Variants in GNAQ observed in about 807,000 individuals in gnomAD.
The protein encoded by GNAQ is G protein subunit alpha q, also known as guanine nucleotide-binding protein G(q) subunit alpha.
A neutral mutation model predicts 43.9 loss-of-function variants in GNAQ; 8 were observed. The observed-to-expected ratio is 0.18, with a 90% CI of 0.11 to 0.33. The LOEUF (loss-of-function observed/expected upper bound fraction) is 0.33. GNAQ is among the 10% of genes least tolerant of loss of function. GNAQ has a pLI of 1.00. For missense variants in GNAQ, 158 were observed against 450.8 expected (o/e 0.35, Z 5.88); for synonymous variants, 155 against 170.7 (o/e 0.91, Z 0.71).
At position 78,001,000 on chromosome 9, in the gene GNAQ, C is replaced by T. The variant is rs116133700; in HGVS notation, c.136+30100G>A. 5.9e-3 allele frequency among the ~76,000 whole-genome samples: 895 copies of T among 152,202 alleles called. 9 individuals carry two copies. Among genetic ancestry groups the T allele is most frequent in the African/African-American group, 0.02 (813 of 41,520 alleles). On this transcript the variant is annotated intron_variant, in intron 1 of 6. Coordinates refer to ENST00000286548, the MANE Select transcript of GNAQ (RefSeq NM_002072.5). ...TGACTAGCTGGGTATCAGAGCAGCA[C>T]GCAAATCTGACAGAAAACAGCAAAT... is the stretch of plus-strand genomic sequence containing the variant.
At position 77,948,137 on chromosome 9, in the gene GNAQ, C is replaced by T. The variant is rs565076450; in HGVS notation, c.137-25792G>A. ...TATCATACAAAGGAACAATTCAAAA[C>T]GGCATAAATGTTTTTGAATAAAATA... On this transcript the variant is annotated intron_variant, in intron 1 of 6. Coordinates refer to ENST00000286548, the MANE Select transcript of GNAQ (RefSeq NM_002072.5). 7.9e-5 allele frequency among the ~76,000 whole-genome samples: 12 copies of T among 152,158 alleles called. No homozygotes were observed. The South Asian group carries it at 1.0e-3, about 13-fold the overall frequency.
Position 78,031,619 on chromosome 9 carries a change from C to G in GNAQ, c.-384G>C, listed in dbSNP as rs1420272902. 2.7e-5 allele frequency among the ~76,000 whole-genome samples: 4 copies of G among 147,784 alleles called. No individual in the cohort carries two copies. Among genetic ancestry groups the G allele is most frequent in the Non-Finnish European group, 6.0e-5 (4 of 66,316 alleles). ...CGCCGCCGCCGCCGCCTGCGAGGCT[C>G]CCCTACGCCGTGCGCCTGGCGGCGA... On this transcript the variant is annotated 5_prime_UTR_variant, in exon 1 of 7. Transcript: ENST00000286548.
At chr9:77,805,409 T>C (rs982471017) in intron 3 of GNAQ, among the ~76,000 whole-genome samples, 1 of 152,140 alleles carries the variant, frequency 6.6e-6, no homozygotes, top group African/African-American at 2.4e-5. Context: ...GCTTACTTTT[T>C]TTCTTTTTTT....
rs558683201 is a variant in GNAQ, at chr9:77,793,754, C to G, written c.735+709G>C. On this transcript the variant is annotated intron_variant, in intron 5 of 6. Transcript: ENST00000286548. ...AGCTCAGAAGTACAGATTTCTACAT[C>G]CCTTAATATATTCCATAATCGATTC... Among the ~76,000 whole-genome samples, 40 of 152,184 alleles carry G rather than the reference C, an allele frequency of 2.6e-4. 1 individual carries two copies. The highest frequency in any genetic ancestry group is 2.5e-3 in the Admixed American group (38 of 15,276).
At chr9:77,864,168 C>CT (rs113840423) in intron 2 of GNAQ, among the ~76,000 whole-genome samples, 16,554 of 131,352 alleles carry the variant, frequency 0.13, 1,125 homozygotes, top group Non-Finnish European at 0.16. Context: ...AGGTGCCAGG[C>CT]TTTTTTTTTT....
chr9:77,861,416 C>T (rs1420297099), intron 2 of GNAQ, among the ~76,000 whole-genome samples: 2 of 152,154 alleles, frequency 1.3e-5, no homozygotes, highest in Non-Finnish European at 2.9e-5. Flanking sequence ...TCCCAACAGT[C>T]CCCCAAAGTC....
intron 2 of GNAQ, among the ~76,000 whole-genome samples, chr9:77,859,010 G>A (rs899489545): frequency 2.0e-5 from 3 of 152,046 alleles, no homozygotes; most frequent in Non-Finnish European, 4.4e-5. Flanking sequence ...TCAGCTTCTT[G>A]GACTGTTTTT....
chr9:78,031,228 A>T lies in GNAQ; in HGVS notation c.8T>A (p.Leu3Gln). The change falls in exon 1 of 7, where the codon CTG becomes CAG. Residue 3 changes from leucine to glutamine, a missense_variant. Around this residue, in one of 9 missense-constraint regions of GNAQ, gnomAD observed 12 missense variants for 18.9 expected, o/e 0.64. Coordinates refer to ENST00000286548, the MANE Select transcript of GNAQ (RefSeq NM_002072.5). MTLESIMACCLSE... is the reference protein window; with the variant it reads MTQESIMACCLSE... ...CAGGCAGCACGCCATGATGGACTCC[A>T]GAGTCATTCTTCCAAAGTGCCTCCG... 6.6e-7 allele frequency: 1 copy of T among 1,523,532 alleles called. No homozygotes were observed. The highest frequency in any genetic ancestry group is 2.7e-5 in the East Asian group (1 of 37,322). 94.4% of individuals were successfully genotyped at this position (1,523,532 alleles called of 1,614,324 possible).
intron 2 of GNAQ, among the ~76,000 whole-genome samples, chr9:77,870,670 T>C (rs1448152389): frequency 1.3e-5 from 2 of 152,048 alleles, no homozygotes; most frequent in African/African-American, 4.8e-5. Context: ...CTCACTCCAG[T>C]CACATTCTTC....
At chr9:77,799,596 A>G (rs904229413) in intron 3 of GNAQ, among the ~76,000 whole-genome samples, 2 of 152,216 alleles carry the variant, frequency 1.3e-5, no homozygotes, top group African/African-American at 2.4e-5. Flanking sequence ...TTGAAACTGA[A>G]TGTAAAAAAA....
intron 5 of GNAQ, among the ~76,000 whole-genome samples, chr9:77,732,885 T>G (rs1175019823): frequency 6.6e-6 from 1 of 152,030 alleles, no homozygotes; most frequent in Non-Finnish European, 1.5e-5. Flanking sequence ...CTGCCAGAAG[T>G]AGGTCCTGCC....
At chr9:77,773,094 T>C (rs1463764558) in intron 5 of GNAQ, among the ~76,000 whole-genome samples, 1 of 152,242 alleles carries the variant, frequency 6.6e-6, no homozygotes. Context: ...CAGTCCCTTT[T>C]TTTGGGCATG....
intron 2 of GNAQ, among the ~76,000 whole-genome samples, chr9:77,882,007 G>A (rs945989696): frequency 1.1e-4 from 16 of 152,074 alleles, no homozygotes; most frequent in African/African-American, 3.1e-4. Flanking sequence ...GCATGGTGGC[G>A]GGCGCCTGTA....
intron 1 of GNAQ, among the ~76,000 whole-genome samples, chr9:77,928,833 A>C (rs1160907209): frequency 6.6e-6 from 1 of 152,110 alleles, no homozygotes; most frequent in Non-Finnish European, 1.5e-5. Context: ...CAGCCTGGCC[A>C]ACATGGTGAA....
Position 77,845,547 on chromosome 9 carries a change from A to G in GNAQ, c.322-29777T>C, listed in dbSNP as rs192981802. On this transcript the variant is annotated intron_variant, in intron 2 of 6. Transcript: ENST00000286548. ...GGGTTATATTCTCATATGAACCCCC[A>G]AAGTTACTTTAAAGAACACAATTCC... 8.5e-5 allele frequency among the ~76,000 whole-genome samples: 13 copies of G among 152,342 alleles called. No homozygotes were observed. In the East Asian group the frequency reaches 2.1e-3, roughly 25 times the overall value.
chr9:77,882,459 A>G (rs1828230111), intron 2 of GNAQ, among the ~76,000 whole-genome samples: 1 of 152,234 alleles, frequency 6.6e-6, no homozygotes, highest in African/African-American at 2.4e-5. Flanking sequence ...AAGCAAGATA[A>G]AAGGTTTTCA....
In GNAQ at chr9:77,808,076, A is replaced by AT. The variant is rs552512879; in HGVS notation, c.476+7539_476+7540insA. The stretch of plus-strand genomic sequence containing the variant: ...AAGACTGTGGAAAGGCCTACAAAGA[A>AT]GAGGCCAAACTACTCAAAGTCCAAA... On this transcript the variant is annotated intron_variant, in intron 3 of 6. Coordinates refer to ENST00000286548, the MANE Select transcript of GNAQ (RefSeq NM_002072.5). 5.2e-4 allele frequency among the ~76,000 whole-genome samples: 79 copies of AT among 152,292 alleles called. No homozygotes were observed. The East Asian group carries it at 0.011, about 22-fold the overall frequency.
At chr9:77,749,113 C>T (rs1232889056) in intron 5 of GNAQ, among the ~76,000 whole-genome samples, 2 of 152,188 alleles carry the variant, frequency 1.3e-5, no homozygotes, top group East Asian at 3.9e-4. Context: ...TTTGGGAAGG[C>T]TGTGGGGTCT....
At chr9:77,786,484 C>A (rs887889522) in intron 5 of GNAQ, among the ~76,000 whole-genome samples, 6 of 151,996 alleles carry the variant, frequency 3.9e-5, no homozygotes, top group African/African-American at 1.4e-4. Context: ...AGAAGTGGGC[C>A]CAGTATTCGG....
Sources: gnomAD v4.1 joint callset for allele counts (sites outside exome capture counted in the v4.1 genomes callset) on GRCh38, gnomAD v4.1.1 for gene constraint, gnomAD v4.1.1 regional missense constraint, MANE v1.5 for transcripts, NCBI Gene and HGNC (gene_info 2026-07-23, HGNC 2026-07-21) for gene names.